Variants in TRIM60 observed in about 807,000 individuals in gnomAD.
TRIM60 encodes the protein tripartite motif-containing protein 60.
For missense variants in TRIM60, 524 were observed against 540.8 expected, an observed-to-expected ratio of 0.97 and a Z score of 0.31; for synonymous variants, 189 against 195.2, an observed-to-expected ratio of 0.97 and a Z score of 0.27.
Position 165,041,399 on chromosome 4 carries a change from T to A in TRIM60, c.1327T>A (p.Cys443Ser), listed in dbSNP as rs1382513282. The change falls in exon 3 of 3, where the codon TGT (cysteine) becomes AGT (serine). Residue 443 changes from cysteine to serine, a missense_variant. Coordinates refer to ENST00000512596, the MANE Select transcript of TRIM60 (RefSeq NM_152620.3). ...GTCTATTCTCTATACTTTTAACGAT[T>A]GTTTCACAGAAGCCGTTTGGCCTTA... Reference protein sequence around the residue: ...DRSILYTFNDCFTEAVWPYFY... With the variant: ...DRSILYTFNDSFTEAVWPYFY... 3.1e-6 allele frequency: 5 copies of A among 1,613,282 alleles called. No homozygotes were observed. The highest frequency in any genetic ancestry group is 4.2e-6 in the Non-Finnish European group (5 of 1,179,546).
chr4:165,040,196 G>T lies in TRIM60; in HGVS notation c.124G>T (p.Val42Leu). 1 of 1,614,184 alleles carries T rather than the reference G, an allele frequency of 6.2e-7. No individual in the cohort carries two copies. Among genetic ancestry groups the T allele is most frequent in the Non-Finnish European group, 8.5e-7 (1 of 1,180,036 alleles). ...CAACTTCTGTCGCTCCTGCCTCAGTGTATCCTGGAAGGATCTAGATGATAC... is the reference window on the plus strand; with the variant it reads ...CAACTTCTGTCGCTCCTGCCTCAGTTTATCCTGGAAGGATCTAGATGATAC... Reference protein sequence around the residue: ...GHNFCRSCLSVSWKDLDDTFP... With the variant: ...GHNFCRSCLSLSWKDLDDTFP... The change falls in exon 3 of 3, where the codon GTA (valine) becomes TTA (leucine). Residue 42 changes from valine to leucine, a missense_variant. Physicochemically the swap from Val to Leu is conservative, Grantham distance 32 (BLOSUM62 1). Coordinates refer to ENST00000512596, the MANE Select transcript of TRIM60 (RefSeq NM_152620.3).
intron 1 of TRIM60, among the ~76,000 whole-genome samples, chr4:165,032,336 C>T (rs1733521540): frequency 6.6e-6 from 1 of 152,234 alleles, no homozygotes; most frequent in Non-Finnish European, 1.5e-5. Flanking sequence ...GCAACCTCCG[C>T]CTCCCGGATT....
intron 1 of TRIM60, among the ~76,000 whole-genome samples, chr4:165,036,559 G>A (rs1733627696): frequency 6.6e-6 from 1 of 152,148 alleles, no homozygotes. Flanking sequence ...ATGCACTAAT[G>A]TGAATAGAAG....
chr4:165,036,898 A>G (rs966349146), intron 1 of TRIM60, among the ~76,000 whole-genome samples: 5 of 149,230 alleles, frequency 3.4e-5, no homozygotes, highest in South Asian at 4.3e-4. Context: ...AAAAAAAAAG[A>G]AAAAAGAAAA....
At position 165,041,557 on chromosome 4, in the gene TRIM60, GACTCTT is replaced by G. The variant is rs1733768199; in HGVS notation, c.*70_*75del. 3 of 1,186,696 alleles carry G rather than the reference GACTCTT, an allele frequency of 2.5e-6. No homozygotes were observed. In the African/African-American group the frequency reaches 4.6e-5, roughly 18 times the overall value. The allele number at this position is 1,186,696 out of a possible 1,614,324, so 73.5% of individuals were successfully genotyped here. The stretch of plus-strand genomic sequence containing the variant: ...GCCAGTAAATTTAATCTCATTTCTG[GACTCTT>G]TAAGTTTTACCACTGAAAACCAGAG... On this transcript the variant is annotated 3_prime_UTR_variant, in exon 3 of 3. Transcript: ENST00000512596.
Position 165,040,940 on chromosome 4 carries a change from A to G in TRIM60, c.868A>G (p.Ile290Val). ...TCAATATTCTGGCTTGGACAGAATTATCAAGCCATTTCAAGTAGATGTGAT... is the reference window on the plus strand; with the variant it reads ...TCAATATTCTGGCTTGGACAGAATTGTCAAGCCATTTCAAGTAGATGTGAT... ...PPQYSGLDRI[I>V]KPFQVDVILD... is the part of the protein sequence containing the mutation. Residue 290 changes from isoleucine to valine, a missense_variant, in exon 3 of 3, where the codon ATC (isoleucine) becomes GTC (valine). Coordinates refer to ENST00000512596, the MANE Select transcript of TRIM60 (RefSeq NM_152620.3). The G allele has an allele frequency of 6.2e-7, 1 of 1,613,966 alleles. No homozygotes were observed. Among genetic ancestry groups the G allele is most frequent in the Non-Finnish European group, 8.5e-7 (1 of 1,179,820 alleles).
intron 1 of TRIM60, 102 bp downstream of exon 1, chr4:165,032,214 G>A (rs1733517854): frequency 6.6e-6 from 1 of 152,268 alleles, no homozygotes; most frequent in African/African-American, 2.4e-5. Flanking sequence ...AAACCTCGGG[G>A]TCGCGACCTG....
chr4:165,037,230 C>T (rs984375484), intron 1 of TRIM60, among the ~76,000 whole-genome samples: 7 of 152,068 alleles, frequency 4.6e-5, no homozygotes, highest in East Asian at 1.9e-4. Flanking sequence ...AACAAAAAAA[C>T]GGATAGCGTG....
At chr4:165,039,766 C>T (rs947238627) in intron 2 of TRIM60, among the ~76,000 whole-genome samples, 1 of 141,308 alleles carries the variant, frequency 7.1e-6, no homozygotes, top group Non-Finnish European at 1.5e-5. Context: ...CCACTGCAGT[C>T]CGCAGTCCGG....
chr4:165,033,105 G>A (rs1358374505), intron 1 of TRIM60, among the ~76,000 whole-genome samples: 2 of 152,088 alleles, frequency 1.3e-5, no homozygotes, highest in Non-Finnish European at 1.5e-5. Context: ...TGCGAGGATC[G>A]CTTGAGCCTG....
Position 165,040,241 on chromosome 4 carries a change from CG to C in TRIM60, c.170del (p.Arg57LeufsTer18), listed in dbSNP as rs1560909355. ...LDDTFPCPVC[R>X]FCFPYKSFRR... ...TGATACCTTTCCCTGTCCTGTCTGCCGTTTTTGCTTTCCATACAAGAGCTTC... is the reference window on the plus strand; with the variant it reads ...TGATACCTTTCCCTGTCCTGTCTGCCTTTTTGCTTTCCATACAAGAGCTTC... On this transcript the variant is annotated frameshift_variant, in exon 3 of 3. Coordinates refer to ENST00000512596, the MANE Select transcript of TRIM60 (RefSeq NM_152620.3). LOFTEE classifies it low-confidence loss of function (END_TRUNC). The C allele has an allele frequency of 6.2e-7, 1 of 1,614,130 alleles. No homozygotes were observed. The highest frequency in any genetic ancestry group is 8.5e-7 in the Non-Finnish European group (1 of 1,180,044).
chr4:165,038,673 C>T (rs1733678912), intron 1 of TRIM60, among the ~76,000 whole-genome samples: 2 of 145,294 alleles, frequency 1.4e-5, no homozygotes, highest in African/African-American at 2.5e-5. Flanking sequence ...TGCTTTTTTT[C>T]CCAGCACTGT....
At chr4:165,039,047 G>A (rs369632930) in intron 1 of TRIM60, among the ~76,000 whole-genome samples, 154 bp from the exon 2 acceptor site, 4 of 151,880 alleles carry the variant, frequency 2.6e-5, no homozygotes, top group East Asian at 1.9e-4. Flanking sequence ...GGGTGGCAGC[G>A]AAACTCCATC....
chr4:165,041,749 A>C lies in TRIM60; in HGVS notation c.*261A>C. ...ATAAAATGTTTTCAAATTGCCTATA[A>C]TTTTTTTTTTTAGTTAAGCAAATTA... On this transcript the variant is annotated 3_prime_UTR_variant, in exon 3 of 3. Transcript: ENST00000512596. 3.7e-6 allele frequency: 1 copy of C among 269,196 alleles called. No individual in the cohort carries two copies. The highest frequency in any genetic ancestry group is 7.2e-6 in the Non-Finnish European group (1 of 139,036). The allele number at this position is 269,196 out of a possible 1,614,324, so 16.7% of individuals were successfully genotyped here.
chr4:165,041,731 GTTTTCAAATTGCCTATAATT>G (rs1293936686), exon 3 of TRIM60: 1 of 333,944 alleles, frequency 3.0e-6, no homozygotes, highest in Non-Finnish European at 5.6e-6. Flanking sequence ...CCAATAAAAT[GTTTTCAAATTGCCTATAATT>G]TTTTTTTTTA....
chr4:165,035,281 T>C (rs1733595004), intron 1 of TRIM60, among the ~76,000 whole-genome samples: 1 of 151,988 alleles, frequency 6.6e-6, no homozygotes, highest in Non-Finnish European at 1.5e-5. Flanking sequence ...CCCAGACTGG[T>C]CTTGAGTGTC....
At position 165,040,407 on chromosome 4, in the gene TRIM60, T is replaced by C; in HGVS notation, c.335T>C (p.Leu112Pro). 6.2e-7 allele frequency: 1 copy of C among 1,614,194 alleles called. No individual in the cohort carries two copies. Among genetic ancestry groups the C allele is most frequent in the East Asian group, 2.2e-5 (1 of 44,884 alleles). ...QFLTLFCVKD[L>P]EILCTQCSFS... ...CTGACCCTCTTCTGTGTTAAAGATC[T>C]AGAGATCTTATGTACACAGTGCAGT... Residue 112 changes from leucine (L) to proline (P), a missense_variant, in exon 3 of 3, where the codon CTA becomes CCA. Leu to Pro is a moderately conservative substitution (Grantham distance 98). Coordinates refer to ENST00000512596, the MANE Select transcript of TRIM60 (RefSeq NM_152620.3).
At position 165,041,748 on chromosome 4, in the gene TRIM60, A is replaced by T; in HGVS notation, c.*260A>T. On this transcript the variant is annotated 3_prime_UTR_variant, in exon 3 of 3. Coordinates refer to ENST00000512596, the MANE Select transcript of TRIM60 (RefSeq NM_152620.3). ...AATAAAATGTTTTCAAATTGCCTAT[A>T]ATTTTTTTTTTTAGTTAAGCAAATT... 1 of 307,014 alleles carries T rather than the reference A, an allele frequency of 3.3e-6. No homozygotes were observed. The highest frequency in any genetic ancestry group is 2.3e-5 in the African/African-American group (1 of 43,938). 19.0% of individuals were successfully genotyped at this position (307,014 alleles called of 1,614,324 possible).
At chr4:165,035,152 ACTC>A (rs1733592568) in intron 1 of TRIM60, among the ~76,000 whole-genome samples, 1 of 151,660 alleles carries the variant, frequency 6.6e-6, no homozygotes, top group African/African-American at 2.4e-5. Context: ...GAAGCCTTGA[ACTC>A]CTGGGCTCAA....
Sources: gnomAD v4.1 joint callset for allele counts (sites outside exome capture counted in the v4.1 genomes callset) on GRCh38, gnomAD v4.1.1 for gene constraint, MANE v1.5 for transcripts, NCBI Gene and HGNC (gene_info 2026-07-23, HGNC 2026-07-21) for gene names.